Variants in ARHGAP35 observed in about 807,000 individuals in gnomAD.
ARHGAP35 encodes Rho GTPase activating protein 35.
A neutral mutation model predicts 111.1 loss-of-function variants in ARHGAP35; 15 were observed. The observed-to-expected ratio is 0.13, with a 90% CI of 0.09 to 0.21. The LOEUF (loss-of-function observed/expected upper bound fraction) is 0.21, where lower values mean the gene tolerates loss of function less well. ARHGAP35 is among the 10% of genes least tolerant of loss of function. ARHGAP35 has a pLI of 1.00. For synonymous variants in ARHGAP35, 643 were observed against 710.3 expected, an observed-to-expected ratio of 0.91 and a Z score of 1.51; for missense variants, 1,262 against 1,873.0, an observed-to-expected ratio of 0.67 and a Z score of 6.02.
chr19:46,997,024 G>A (rs779357850), intron 5 of ARHGAP35, among the ~76,000 whole-genome samples: 3 of 152,180 alleles, frequency 2.0e-5, no homozygotes, highest in African/African-American at 4.8e-5. Flanking sequence ...AGGCGTGGTG[G>A]TGGGCACCTG....
chr19:46,906,587 C>T (rs2056109328), intron 1 of ARHGAP35, among the ~76,000 whole-genome samples: 2 of 152,220 alleles, frequency 1.3e-5, no homozygotes, highest in African/African-American at 4.8e-5. Context: ...AATATAACCA[C>T]TACCCAAGTC....
intron 1 of ARHGAP35, among the ~76,000 whole-genome samples, chr19:46,900,921 T>C (rs1231664280): frequency 1.3e-5 from 2 of 152,226 alleles, no homozygotes; most frequent in African/African-American, 2.4e-5. Flanking sequence ...TGGCCATCCC[T>C]TTCAGCTCTG....
intron 1 of ARHGAP35, among the ~76,000 whole-genome samples, chr19:46,910,018 G>A (rs959501640): frequency 7.2e-5 from 11 of 152,154 alleles, no homozygotes; most frequent in African/African-American, 9.7e-5. Flanking sequence ...TGGAGTTTTC[G>A]TTTATGTAAG....
intron 1 of ARHGAP35, among the ~76,000 whole-genome samples, chr19:46,871,128 T>G (rs2055885291): frequency 6.6e-6 from 1 of 152,238 alleles, no homozygotes; most frequent in African/African-American, 2.4e-5. Context: ...AACGGTGATT[T>G]CATTGTATAA....
chr19:46,980,324 G>T (rs1001467486), intron 3 of ARHGAP35, among the ~76,000 whole-genome samples: 1 of 152,192 alleles, frequency 6.6e-6, no homozygotes, highest in African/African-American at 2.4e-5. Context: ...AGCGGAGGTT[G>T]CAGTGAGCCG....
intron 1 of ARHGAP35, among the ~76,000 whole-genome samples, chr19:46,874,306 A>AC (rs2055904102): frequency 6.6e-6 from 1 of 152,158 alleles, no homozygotes; most frequent in South Asian, 2.1e-4. Flanking sequence ...CACAAGGAAC[A>AC]CACTGTTTCT....
intron 3 of ARHGAP35, among the ~76,000 whole-genome samples, chr19:46,979,296 G>C (rs1180223668): frequency 6.6e-6 from 1 of 152,106 alleles, no homozygotes; most frequent in East Asian, 1.9e-4. Flanking sequence ...GCATGAAGAC[G>C]TCTCACGTTC....
In ARHGAP35 at chr19:46,986,933, A is replaced by G. The variant is rs999145082; in HGVS notation, c.3827-1056A>G. Among the ~76,000 whole-genome samples the G allele has an allele frequency of 6.6e-6, 1 of 152,120 alleles. No individual in the cohort carries two copies. Among genetic ancestry groups the G allele is most frequent in the African/African-American group, 2.4e-5 (1 of 41,432 alleles). On this transcript the variant is annotated intron_variant, in intron 3 of 6. Transcript: ENST00000672722. This position sits in a 1 kb window ranked among gnomAD's most constrained non-coding sequence, Gnocchi z 4.3. ...AACCTCCACCTCCTGGGTTCAAGCA[A>G]TTCTTCTGCCTCAGCCTCCCGAGTA...
intron 1 of ARHGAP35, among the ~76,000 whole-genome samples, chr19:46,868,164 G>C (rs2055868670): frequency 6.6e-6 from 1 of 152,202 alleles, no homozygotes; most frequent in African/African-American, 2.4e-5. Flanking sequence ...TACCGCGCCT[G>C]GCTCTGGCCC....
intron 1 of ARHGAP35, among the ~76,000 whole-genome samples, chr19:46,864,166 G>T (rs1222109313): frequency 6.6e-6 from 1 of 152,178 alleles, no homozygotes; most frequent in East Asian, 1.9e-4. Context: ...AGGAACTGGC[G>T]GATGTGATTG....
chr19:46,905,320 C>G (rs1015684035), intron 1 of ARHGAP35, among the ~76,000 whole-genome samples: 2 of 151,876 alleles, frequency 1.3e-5, no homozygotes, highest in African/African-American at 4.8e-5. Flanking sequence ...GAGATCGAGG[C>G]CAGCCTGGCC....
intron 3 of ARHGAP35, among the ~76,000 whole-genome samples, chr19:46,943,499 C>T (rs2056361602): frequency 6.6e-6 from 1 of 152,196 alleles, no homozygotes; most frequent in Admixed American, 6.5e-5. Context: ...TTGCACTTTG[C>T]TTAGGGAAAG....
intron 2 of ARHGAP35, among the ~76,000 whole-genome samples, chr19:46,930,528 T>G (rs2056267111): frequency 6.8e-6 from 1 of 147,222 alleles, no homozygotes; most frequent in African/African-American, 2.5e-5. Context: ...GTTTTTTATT[T>G]CCTTTATTAG....
intron 3 of ARHGAP35, among the ~76,000 whole-genome samples, chr19:46,968,585 C>A (rs998159705): frequency 6.6e-6 from 1 of 152,120 alleles, no homozygotes; most frequent in Admixed American, 6.5e-5. Flanking sequence ...AAATATCCCA[C>A]TGATGAGTGA....
chr19:46,986,729 C>T lies in ARHGAP35; in HGVS notation c.3827-1260C>T, dbSNP rs185270723. 6.6e-6 allele frequency among the ~76,000 whole-genome samples: 1 copy of T among 152,310 alleles called. No individual in the cohort carries two copies. Among genetic ancestry groups the T allele is most frequent in the Non-Finnish European group, 1.5e-5 (1 of 68,026 alleles). On this transcript the variant is annotated intron_variant, in intron 3 of 6. Coordinates refer to ENST00000672722, the MANE Select transcript of ARHGAP35 (RefSeq NM_004491.5). The surrounding 1 kb of genome is among the most constrained non-coding windows in gnomAD (Gnocchi z 4.3). ...AGAACACTAGGAAAATTAACAAGAA[C>T]ATGAATACGATATTCACAAAGTAAG...
At chr19:46,868,893 ATTTTTTTTTTTTTTTT>A (rs59080309) in intron 1 of ARHGAP35, among the ~76,000 whole-genome samples, 2 of 58,668 alleles carry the variant, frequency 3.4e-5, no homozygotes. Context: ...GCTCACCGTG[ATTTTTTTTTTTTTTTT>A]TTTTTTTTTT....
At chr19:46,955,268 AATGATAAGT>A (rs1315629284) in intron 3 of ARHGAP35, among the ~76,000 whole-genome samples, 1 of 152,220 alleles carries the variant, frequency 6.6e-6, no homozygotes, top group Non-Finnish European at 1.5e-5. Context: ...TATAGGTATT[AATGATAAGT>A]TCGTCTAGTT....
Position 46,992,534 on chromosome 19 carries a change from C to T in ARHGAP35, c.4036+2859C>T, listed in dbSNP as rs1271555374. 6.6e-6 allele frequency among the ~76,000 whole-genome samples: 1 copy of T among 152,008 alleles called. No homozygotes were observed. The highest frequency in any genetic ancestry group is 2.4e-5 in the African/African-American group (1 of 41,372). On this transcript the variant is annotated intron_variant, in intron 5 of 6. Transcript: ENST00000672722. This position sits in a 1 kb window ranked among gnomAD's most constrained non-coding sequence, Gnocchi z 4.4. ...TCGCTCTTGCCTGGTTTCTCCCCGT[C>T]TCTGTGACTCCCTCCTCCCTGCCTA... is the stretch of plus-strand genomic sequence containing the variant.
intron 1 of ARHGAP35, among the ~76,000 whole-genome samples, chr19:46,913,086 G>A (rs1021407838): frequency 2.0e-5 from 3 of 151,332 alleles, no homozygotes; most frequent in Non-Finnish European, 4.4e-5. Flanking sequence ...GTGGTGTTCT[G>A]TATGTGATTA....
Sources: allele counts gnomAD v4.1 joint callset (sites outside exome capture counted in the v4.1 genomes callset), GRCh38; gene constraint gnomAD v4.1.1; non-coding constraint Gnocchi (gnomAD v3.1); transcripts MANE v1.5; gene names NCBI Gene and HGNC (gene_info 2026-07-23, HGNC 2026-07-21).